Variants in PDE8A observed in about 807,000 individuals in gnomAD.
PDE8A encodes the protein phosphodiesterase 8A.
Under a neutral mutation model 105.0 loss-of-function variants are expected in PDE8A, and 59 were observed. That is an observed-to-expected ratio of 0.56 (90% CI 0.46 to 0.70). PDE8A has a LOEUF of 0.70. Among genes scored for constraint, PDE8A ranks in the 30% least tolerant of loss-of-function variants. PDE8A has a pLI of 0.00. For synonymous variants in PDE8A, 355 were observed against 371.9 expected, an observed-to-expected ratio of 0.95 and a Z score of 0.52; for missense variants, 1,014 against 1,045.9, an observed-to-expected ratio of 0.97 and a Z score of 0.42.
intron 20 of PDE8A, among the ~76,000 whole-genome samples, chr15:85,134,361 C>T (rs1402880866): frequency 6.6e-6 from 1 of 152,204 alleles, no homozygotes; most frequent in East Asian, 1.9e-4. Context: ...GCCCAGGGCA[C>T]TGCTGTTTGA....
At chr15:85,038,524 C>T (rs28583919) in intron 1 of PDE8A, among the ~76,000 whole-genome samples, 7,943 of 152,142 alleles carry the variant, frequency 0.052, 260 homozygotes, top group African/African-American at 0.095. Flanking sequence ...CTTCTGTACT[C>T]GGCAAAGGAA....
chr15:85,128,467 AC>A (rs747882950), intron 20 of PDE8A, among the ~76,000 whole-genome samples: 10 of 152,180 alleles, frequency 6.6e-5, no homozygotes, highest in Non-Finnish European at 1.5e-4. Context: ...CTGCACTCCA[AC>A]CTGGGTGACA....
At chr15:85,134,550 T>TCC (rs2082377050) in intron 20 of PDE8A, among the ~76,000 whole-genome samples, 1 of 126,820 alleles carries the variant, frequency 7.9e-6, no homozygotes, top group Non-Finnish European at 1.7e-5. Context: ...CCCACTCCTC[T>TCC]TACCAAAGCA....
At chr15:85,125,796 AT>A (rs1263393187) in intron 19 of PDE8A, among the ~76,000 whole-genome samples, 1 of 151,900 alleles carries the variant, frequency 6.6e-6, no homozygotes, top group East Asian at 1.9e-4. Context: ...AGAGAAATTT[AT>A]TTTTTTCAGC....
intron 1 of PDE8A, among the ~76,000 whole-genome samples, chr15:85,047,860 A>G (rs1423719699): frequency 6.6e-6 from 1 of 152,184 alleles, no homozygotes; most frequent in Non-Finnish European, 1.5e-5. Context: ...AAATATGTAT[A>G]TACATACTTT....
chr15:85,136,710 G>C, intron 21 of PDE8A, 47 bp downstream of exon 21: 1 of 1,578,298 alleles, frequency 6.3e-7, no homozygotes, highest in East Asian at 2.3e-5. Flanking sequence ...AAATAATGGG[G>C]AACCGCGTAT....
At chr15:85,008,833 C>G (rs535238647) in intron 1 of PDE8A, among the ~76,000 whole-genome samples, 1 of 152,220 alleles carries the variant, frequency 6.6e-6, no homozygotes, top group Non-Finnish European at 1.5e-5. Context: ...GCATAGTCTG[C>G]CAACATTGTC....
At chr15:85,071,808 A>G (rs1204927435) in intron 3 of PDE8A, among the ~76,000 whole-genome samples, 1 of 152,178 alleles carries the variant, frequency 6.6e-6, no homozygotes, top group Non-Finnish European at 1.5e-5. Context: ...CAGGATGAGA[A>G]GGGGGGCCTG....
At chr15:85,045,949 A>G (rs2080879511) in intron 1 of PDE8A, among the ~76,000 whole-genome samples, 1 of 152,004 alleles carries the variant, frequency 6.6e-6, no homozygotes, top group African/African-American at 2.4e-5. Flanking sequence ...ATGTAAATTG[A>G]CCCCAGGATA....
chr15:85,033,974 T>G (rs969414005), intron 1 of PDE8A, among the ~76,000 whole-genome samples: 2 of 152,240 alleles, frequency 1.3e-5, no homozygotes, highest in Non-Finnish European at 1.5e-5. Context: ...AAGAGAAAGC[T>G]TGAATCTACA....
At chr15:85,090,593 GA>G (rs752265262) in intron 7 of PDE8A, 10 of 232,508 alleles carry the variant, frequency 4.3e-5, no homozygotes, top group Non-Finnish European at 7.4e-5. Flanking sequence ...ATCCGGATAA[GA>G]GTCTCAGAGG....
intron 2 of PDE8A, 47 bp from the exon 3 acceptor site, chr15:85,066,967 T>A (rs372617395): frequency 1.3e-4 from 178 of 1,390,242 alleles, no homozygotes; most frequent in Non-Finnish European, 1.7e-4. Flanking sequence ...GAAATGACAA[T>A]TCTAACATCT....
intron 1 of PDE8A, among the ~76,000 whole-genome samples, chr15:85,046,976 A>G (rs938019050): frequency 2.0e-5 from 3 of 152,220 alleles, no homozygotes; most frequent in Non-Finnish European, 2.9e-5. Flanking sequence ...TCCTAATATT[A>G]TAACCTTTTT....
At chr15:85,116,413 T>A in intron 16 of PDE8A, 1 of 352,026 alleles carries the variant, frequency 2.8e-6, no homozygotes, top group South Asian at 4.5e-5. Context: ...GGTAATATGT[T>A]AAGATTGCTG....
chr15:85,069,938 A>T lies in PDE8A; in HGVS notation c.434+2734A>T, dbSNP rs377185529. On this transcript the variant is annotated intron_variant, in intron 3 of 21. Coordinates refer to ENST00000394553, the MANE Select transcript of PDE8A (RefSeq NM_002605.3). ...CAGACCCTGATTTATTTTCCTAATCAGTTTTGTCTTCATTCTGGCCCTTAC... is the reference window on the plus strand; with the variant it reads ...CAGACCCTGATTTATTTTCCTAATCTGTTTTGTCTTCATTCTGGCCCTTAC... Among the ~76,000 whole-genome samples, 7 of 152,162 alleles carry T rather than the reference A, an allele frequency of 4.6e-5. No homozygotes were observed. In the East Asian group the frequency reaches 9.6e-4, roughly 21 times the overall value.
At chr15:85,075,741 A>G in intron 3 of PDE8A, 121 bp from the exon 4 acceptor site, 1 of 573,322 alleles carries the variant, frequency 1.7e-6, no homozygotes, top group Non-Finnish European at 3.0e-6. Flanking sequence ...TCAGAGAGTG[A>G]GGGGATCATT....
intron 1 of PDE8A, among the ~76,000 whole-genome samples, chr15:85,032,006 G>T (rs1019499459): frequency 6.6e-6 from 1 of 152,162 alleles, no homozygotes; most frequent in Non-Finnish European, 1.5e-5. Flanking sequence ...TCATGTAGAG[G>T]TTCGCTCATT....
chr15:84,993,764 A>C (rs1434045017), intron 1 of PDE8A, among the ~76,000 whole-genome samples: 2 of 151,952 alleles, frequency 1.3e-5, no homozygotes, highest in Non-Finnish European at 2.9e-5. Context: ...GGTGGTGCAC[A>C]CCTGTAATCC....
At chr15:85,104,880 T>G (rs2081924508) in intron 11 of PDE8A, among the ~76,000 whole-genome samples, 2 of 152,128 alleles carry the variant, frequency 1.3e-5, no homozygotes, top group South Asian at 4.2e-4. Context: ...AGGGGAGCAC[T>G]GAGGAGCAGG....
Sources: gnomAD v4.1 joint callset for allele counts (sites outside exome capture counted in the v4.1 genomes callset) on GRCh38, gnomAD v4.1.1 for gene constraint, MANE v1.5 for transcripts, NCBI Gene and HGNC (gene_info 2026-07-23, HGNC 2026-07-21) for gene names.